SIAH2: variants seen among roughly 807,000 people sequenced by gnomAD.
The protein encoded by SIAH2 is siah E3 ubiquitin protein ligase 2.
SIAH2 carries 4 observed loss-of-function variants against 20.4 expected under a neutral mutation model. The observed-to-expected ratio is 0.20, with a 90% CI of 0.10 to 0.45. The LOEUF (loss-of-function observed/expected upper bound fraction) is 0.45, where lower values mean the gene tolerates loss of function less well. Ranked by LOEUF, SIAH2 falls within the 20% of genes least tolerant of loss-of-function variation. The pLI is 0.99. For synonymous variants in SIAH2, 171 were observed against 192.5 expected, an observed-to-expected ratio of 0.89 and a Z score of 0.93; for missense variants, 259 against 440.3, an observed-to-expected ratio of 0.59 and a Z score of 3.69.
chr3:150,761,634 GGA>G, intron 1 of SIAH2, among the ~76,000 whole-genome samples: 1 of 152,144 alleles, frequency 6.6e-6, no homozygotes, highest in South Asian at 2.1e-4. Flanking sequence ...TGGTGGGAAA[GGA>G]GGGGAGAGAT....
At chr3:150,753,941 G>GT (rs562935988) in intron 1 of SIAH2, among the ~76,000 whole-genome samples, 59 of 152,162 alleles carry the variant, frequency 3.9e-4, no homozygotes, top group African/African-American at 1.3e-3. Context: ...AAAAATCTCA[G>GT]TAAGAAAAGA....
In SIAH2 at chr3:150,742,045, G is replaced by C. The variant is rs1206469774; in HGVS notation, c.*96C>G. 69 of 1,210,188 alleles carry C rather than the reference G, an allele frequency of 5.7e-5. 1 individual carries two copies. The South Asian group carries it at 1.0e-3, about 18-fold the overall frequency. 75.0% of individuals were successfully genotyped at this position (1,210,188 alleles called of 1,614,324 possible). ...CAAAACACGGGTAATTGTGGGTCCTGACTTGTGAAGACATATGGAATAAAA... is the reference window on the plus strand; with the variant it reads ...CAAAACACGGGTAATTGTGGGTCCTCACTTGTGAAGACATATGGAATAAAA... On this transcript the variant is annotated 3_prime_UTR_variant, in exon 2 of 2. Coordinates refer to ENST00000312960, the MANE Select transcript of SIAH2 (RefSeq NM_005067.7). The surrounding 1 kb of genome is among the most constrained non-coding windows in gnomAD (Gnocchi z 4.8).
In SIAH2 at chr3:150,741,796, C is replaced by T. The variant is rs1714093082; in HGVS notation, c.*345G>A. 3 of 198,036 alleles carry T rather than the reference C, an allele frequency of 1.5e-5. No homozygotes were observed. The highest frequency in any genetic ancestry group is 3.1e-5 in the Non-Finnish European group (3 of 97,930). 12.3% of individuals were successfully genotyped at this position (198,036 alleles called of 1,614,324 possible). ...CTGTGCTTTTGTCAATGTCAAGGGA[C>T]CAATATGGGAAGGCAGGCAGGAAGG... On this transcript the variant is annotated 3_prime_UTR_variant, in exon 2 of 2. Coordinates refer to ENST00000312960, the MANE Select transcript of SIAH2 (RefSeq NM_005067.7).
chr3:150,751,707 A>G (rs1714370068), intron 1 of SIAH2, among the ~76,000 whole-genome samples: 1 of 152,162 alleles, frequency 6.6e-6, no homozygotes, highest in African/African-American at 2.4e-5. Flanking sequence ...TCTTGGGAAG[A>G]CTTTGGCATA....
At chr3:150,753,019 T>C (rs887757883) in intron 1 of SIAH2, among the ~76,000 whole-genome samples, 15 of 152,242 alleles carry the variant, frequency 9.9e-5, no homozygotes, top group African/African-American at 3.6e-4. Flanking sequence ...CAAGCAACTT[T>C]GCTGGCCTCC....
rs770230086 is a variant in SIAH2 at position 150,758,116 on chromosome 3, A to C, written c.417+4317T>G. Among the ~76,000 whole-genome samples the C allele has an allele frequency of 3.8e-4, 58 of 152,170 alleles. 1 individual carries two copies. Among genetic ancestry groups the C allele is most frequent in the Non-Finnish European group, 1.0e-4 (7 of 68,022 alleles). ...AACTAGATGAGGCCAAGGGATTTTA[A>C]ACTTTCAACTGTTTTGTCTAACCTT... On this transcript the variant is annotated intron_variant, in intron 1 of 1. Coordinates refer to ENST00000312960, the MANE Select transcript of SIAH2 (RefSeq NM_005067.7).
At chr3:150,759,851 G>C (rs1171188997) in intron 1 of SIAH2, among the ~76,000 whole-genome samples, 1 of 152,174 alleles carries the variant, frequency 6.6e-6, no homozygotes, top group African/African-American at 2.4e-5. Context: ...CATTTGTATA[G>C]ATGAGGAAAT....
chr3:150,748,149 A>C (rs1003640272), intron 1 of SIAH2, among the ~76,000 whole-genome samples: 1 of 152,110 alleles, frequency 6.6e-6, no homozygotes, highest in Non-Finnish European at 1.5e-5. Flanking sequence ...CCTCATTCTT[A>C]GATCTTTGCA....
chr3:150,748,836 A>G (rs1419657065), intron 1 of SIAH2, among the ~76,000 whole-genome samples: 1 of 152,242 alleles, frequency 6.6e-6, no homozygotes, highest in African/African-American at 2.4e-5. Flanking sequence ...AGTGCAATGC[A>G]TAACTCTAGA....
intron 1 of SIAH2, among the ~76,000 whole-genome samples, chr3:150,752,465 C>T (rs144454311): frequency 2.1e-3 from 313 of 152,218 alleles, no homozygotes; most frequent in Middle Eastern, 0.014. Context: ...AAAAATTATC[C>T]GGGCGTGATG....
chr3:150,761,095 T>A (rs928480822), intron 1 of SIAH2, among the ~76,000 whole-genome samples: 5 of 152,364 alleles, frequency 3.3e-5, no homozygotes, highest in Non-Finnish European at 5.9e-5. Context: ...GTCCCAAGCC[T>A]GAATTCTCTG....
Position 150,742,616 on chromosome 3 carries a change from G to A in SIAH2, c.500C>T (p.Ser167Phe). ...HEDICEYRPYSCPCPGASCKW... is the reference protein window; with the variant it reads ...HEDICEYRPYFCPCPGASCKW... ...GCAGGAAGCACCAGGACATGGGCAG[G>A]AGTAGGGACGGTATTCACATATGTC... The change falls in exon 2 of 2, where the codon TCC (serine) becomes TTC (phenylalanine). Residue 167 changes from serine to phenylalanine, a missense_variant. Around this residue, in one of 2 missense-constraint regions of SIAH2, gnomAD observed 160 missense variants for 327.6 expected, o/e 0.49. Transcript: ENST00000312960. This position sits in a 1 kb window ranked among gnomAD's most constrained non-coding sequence, Gnocchi z 4.8. The A allele has an allele frequency of 4.3e-6, 7 of 1,610,302 alleles. No individual in the cohort carries two copies. The highest frequency in any genetic ancestry group is 5.1e-6 in the Non-Finnish European group (6 of 1,177,984).
chr3:150,758,923 T>C (rs1387237473), intron 1 of SIAH2, among the ~76,000 whole-genome samples: 3 of 152,056 alleles, frequency 2.0e-5, no homozygotes, highest in Non-Finnish European at 4.4e-5. Context: ...TTTTGTATTT[T>C]TAGTAGAAAC....
Position 150,760,903 on chromosome 3 carries a change from G to C in SIAH2, c.417+1530C>G, listed in dbSNP as rs147867347. On this transcript the variant is annotated intron_variant, in intron 1 of 1. Coordinates refer to ENST00000312960, the MANE Select transcript of SIAH2 (RefSeq NM_005067.7). Reference sequence around the variant, plus strand: ...TATGCAAATACTTTATCTAAATTTTGAGAAACTGGGCTGAGTGAATTAGTA... The same window carrying C: ...TATGCAAATACTTTATCTAAATTTTCAGAAACTGGGCTGAGTGAATTAGTA... Among the ~76,000 whole-genome samples, 1,008 of 152,296 alleles carry C rather than the reference G, an allele frequency of 6.6e-3. 6 individuals are homozygous for C. The highest frequency in any genetic ancestry group is 0.011 in the Non-Finnish European group (745 of 68,028).
At position 150,762,770 on chromosome 3, in the gene SIAH2, G is replaced by C. The variant is rs755536279; in HGVS notation, c.80C>G (p.Pro27Arg). ...GGCGGCCGGGGGCGCAGCCGGGGAC[G>C]GAGTGTGCTGGGGCTGCGGCGGCGG... ...KQPPPQPQHT[P>R]SPAAPPAAAT... The change falls in exon 1 of 2, where the codon CCG (proline) becomes CGG (arginine). Residue 27 changes from proline (P) to arginine (R), a missense_variant. Physicochemically the swap from Pro to Arg is moderately radical, Grantham distance 103 (BLOSUM62 -2). This residue lies in a region of SIAH2 where 99 missense variants were observed against 112.7 expected (regional missense o/e 0.88). Transcript: ENST00000312960. This position sits in a 1 kb window ranked among gnomAD's most constrained non-coding sequence, Gnocchi z 6.6. The C allele has an allele frequency of 7.5e-4, 902 of 1,209,108 alleles. No individual in the cohort carries two copies. The highest frequency in any genetic ancestry group is 9.1e-4 in the Non-Finnish European group (873 of 963,642). 74.9% of individuals were successfully genotyped at this position (1,209,108 alleles called of 1,614,324 possible). A position where few individuals can be genotyped will look rare whatever the true frequency, so the allele number is the denominator to read the frequency against.
At chr3:150,758,610 A>C in intron 1 of SIAH2, among the ~76,000 whole-genome samples, 2 of 142,254 alleles carry the variant, frequency 1.4e-5, no homozygotes, top group Admixed American at 7.3e-5. Context: ...TTGCTCTGTC[A>C]CCCAGGCTGG....
At chr3:150,759,563 C>T (rs911538111) in intron 1 of SIAH2, among the ~76,000 whole-genome samples, 10 of 152,214 alleles carry the variant, frequency 6.6e-5, no homozygotes, top group Admixed American at 4.6e-4. Flanking sequence ...GAAATCCCTA[C>T]GTAGTAAGGT....
At chr3:150,744,205 C>A (rs184092604) in intron 1 of SIAH2, among the ~76,000 whole-genome samples, 1 of 152,046 alleles carries the variant, frequency 6.6e-6, no homozygotes, top group Non-Finnish European at 1.5e-5. Flanking sequence ...CAGAGGATTC[C>A]GAAGCAAGGA....
chr3:150,743,241 C>T (rs1383927066), intron 1 of SIAH2, among the ~76,000 whole-genome samples: 2 of 152,258 alleles, frequency 1.3e-5, no homozygotes, highest in Non-Finnish European at 2.9e-5. Context: ...GTTCCTTGCT[C>T]TTTGCTGCTG....
Sources: gnomAD v4.1 joint callset for allele counts (sites outside exome capture counted in the v4.1 genomes callset) on GRCh38, gnomAD v4.1.1 for gene constraint, gnomAD v4.1.1 regional missense constraint, Gnocchi (gnomAD v3.1) non-coding constraint, MANE v1.5 for transcripts, NCBI Gene and HGNC (gene_info 2026-07-23, HGNC 2026-07-21) for gene names.